Variants in PIF1 observed in about 807,000 individuals in gnomAD.
The protein encoded by PIF1 is PIF1 5'-to-3' DNA helicase.
PIF1 carries 67 observed loss-of-function variants against 62.3 expected under a neutral mutation model. The ratio of observed to expected loss-of-function variants is 1.08; its 90% confidence interval spans 0.88 to 1.32. PIF1 has a LOEUF of 1.32. Among genes scored for constraint, PIF1 ranks in the 40% most tolerant of loss-of-function variants. The pLI is 0.00. For missense variants in PIF1, 886 were observed against 866.1 expected, an observed-to-expected ratio of 1.02 and a Z score of -0.29; for synonymous variants, 364 against 379.5, an observed-to-expected ratio of 0.96 and a Z score of 0.47.
At chr15:64,821,586 T>C (rs2084290016) in intron 4 of PIF1, 66 bp from the exon 5 acceptor site, 1 of 980,914 alleles carries the variant, frequency 1.0e-6, no homozygotes, top group African/African-American at 1.6e-5. Flanking sequence ...TTTTTTTTTT[T>C]TTTGAGAGAA....
chr15:64,818,064 C>T lies in PIF1; in HGVS notation c.1556G>A (p.Gly519Glu). 1 of 1,613,970 alleles carries T rather than the reference C, an allele frequency of 6.2e-7. No homozygotes were observed. Among genetic ancestry groups the T allele is most frequent in the Non-Finnish European group, 8.5e-7 (1 of 1,179,956 alleles). The change falls in exon 11 of 13, where the codon GGA (glycine) becomes GAA (glutamate). Residue 519 changes from glycine to glutamate, a missense_variant. Physicochemically the swap from Gly to Glu is moderately conservative, Grantham distance 98 (BLOSUM62 -2). Coordinates refer to ENST00000559239, the MANE Select transcript of PIF1 (RefSeq NM_001286496.2). ...GTCAGCGTGGATGACCTCAGTGACT[C>T]CACACAGGAACCGCACCTGGGGTAG... ...RGLPQVRFLC[G>E]VTEVIHADRW...
chr15:64,819,797 G>T (rs781342055), intron 8 of PIF1, 50 bp downstream of exon 8: 5 of 1,605,224 alleles, frequency 3.1e-6, no homozygotes, highest in Non-Finnish European at 4.2e-6. Flanking sequence ...GGCTACATCT[G>T]CTTATAACTC....
chr15:64,820,314 T>G (rs2084267861), intron 7 of PIF1, among the ~76,000 whole-genome samples: 2 of 152,196 alleles, frequency 1.3e-5, no homozygotes. Context: ...GGCTGGAGAT[T>G]TGCAGGACCC....
intron 8 of PIF1, 79 bp from the exon 9 acceptor site, chr15:64,819,302 T>G (rs1381485027): frequency 8.4e-6 from 8 of 956,254 alleles, no homozygotes; most frequent in Non-Finnish European, 1.3e-5. Flanking sequence ...TTTTTTTAAA[T>G]TTTAATTTAA....
intron 11 of PIF1, among the ~76,000 whole-genome samples, chr15:64,817,137 C>T (rs1433510029): frequency 6.6e-6 from 1 of 151,898 alleles, no homozygotes; most frequent in Non-Finnish European, 1.5e-5. Flanking sequence ...TGGTTGTATA[C>T]AATTTATACA....
intron 4 of PIF1, 43 bp from the exon 5 acceptor site, chr15:64,821,563 C>T: frequency 1.5e-6 from 2 of 1,333,204 alleles, no homozygotes; most frequent in East Asian, 2.7e-5. Flanking sequence ...CCCAAAGCCT[C>T]TCTTTTTTTT....
At chr15:64,824,828 AC>A (rs1457423570) in intron 1 of PIF1, among the ~76,000 whole-genome samples, 85 of 146,858 alleles carry the variant, frequency 5.8e-4, no homozygotes, top group Admixed American at 1.3e-3. Context: ...AAAAAAAAAT[AC>A]ATACATATAA....
Position 64,821,523 on chromosome 15 carries a change from G to A in PIF1, c.818-3C>T, listed in dbSNP as rs752307797. The A allele has an allele frequency of 3.1e-6, 5 of 1,591,394 alleles. No individual in the cohort carries two copies. The highest frequency in any genetic ancestry group is 4.3e-6 in the Non-Finnish European group (5 of 1,169,056). ...AGGAGCCTGGCCTGAGCCGATGCCTGTGAGTGACACTATTCAGCCTGGGCT... is the reference window on the plus strand; with the variant it reads ...AGGAGCCTGGCCTGAGCCGATGCCTATGAGTGACACTATTCAGCCTGGGCT... On this transcript the variant is annotated splice_region_variant and splice_polypyrimidine_tract_variant and intron_variant, in intron 4 of 12. Coordinates refer to ENST00000559239, the MANE Select transcript of PIF1 (RefSeq NM_001286496.2).
chr15:64,818,202 C>G, intron 10 of PIF1, 55 bp downstream of exon 10: 1 of 1,610,554 alleles, frequency 6.2e-7, no homozygotes, highest in Non-Finnish European at 8.5e-7. Context: ...CCACCATTCC[C>G]GGGGCCATGC....
At chr15:64,823,685 C>T in intron 2 of PIF1, 93 bp downstream of exon 2, 1 of 970,348 alleles carries the variant, frequency 1.0e-6, no homozygotes, top group Non-Finnish European at 1.4e-6. Context: ...AATACCCACA[C>T]CGGCTTCCCC....
chr15:64,818,953 G>T, intron 9 of PIF1, 164 bp downstream of exon 9: 1 of 498,590 alleles, frequency 2.0e-6, no homozygotes, highest in Non-Finnish European at 3.5e-6. Context: ...ACAGTAGAAA[G>T]CTTAAGATGG....
In PIF1 at chr15:64,815,997, C is replaced by CAG; in HGVS notation, c.*299_*300dup. On this transcript the variant is annotated 3_prime_UTR_variant, in exon 13 of 13. Transcript: ENST00000559239. ...TCTGCAGCTCTGTGTCCAGCCCTTG[C>CAG]AGAGAGCTTTGTCCTCTGACATCAG... The CAG allele has an allele frequency of 6.6e-7, 1 of 1,507,026 alleles. No individual in the cohort carries two copies. The highest frequency in any genetic ancestry group is 2.2e-5 in the Admixed American group (1 of 44,800). 93.4% of individuals were successfully genotyped at this position (1,507,026 alleles called of 1,614,324 possible).
Position 64,816,034 on chromosome 15 carries a change from G to A in PIF1, c.*264C>T. Reference sequence around the variant, plus strand: ...TCCTCTGACATCAGCTACCACACAGGCTCATTCTCAACTGGCACAGAAAGG... The same window carrying A: ...TCCTCTGACATCAGCTACCACACAGACTCATTCTCAACTGGCACAGAAAGG... On this transcript the variant is annotated 3_prime_UTR_variant, in exon 13 of 13. Transcript: ENST00000559239. The A allele has an allele frequency of 6.8e-7, 1 of 1,470,950 alleles. No individual in the cohort carries two copies. Among genetic ancestry groups the A allele is most frequent in the Non-Finnish European group, 9.0e-7 (1 of 1,113,432 alleles). 91.1% of individuals were successfully genotyped at this position (1,470,950 alleles called of 1,614,324 possible). A position where few individuals can be genotyped will look rare whatever the true frequency, so the allele number is the denominator to read the frequency against.
Position 64,822,555 on chromosome 15 carries a change from G to A in PIF1, c.614C>T (p.Pro205Leu), listed in dbSNP as rs1287853988. ...AGCAGCCTGTTCCTCAGAAAGCTGT[G>A]GCTTGGTGGAGGGCAAGCTCAGCCT... ...VKRLSLPSTK[P>L]QLSEEQAAVL... The change falls in exon 3 of 13, where the codon CCA becomes CTA. Residue 205 changes from proline to leucine, a missense_variant. Physicochemically the swap from Pro to Leu is moderately conservative, Grantham distance 98. Transcript: ENST00000559239. 1 of 1,614,094 alleles carries A rather than the reference G, an allele frequency of 6.2e-7. No homozygotes were observed. Among genetic ancestry groups the A allele is most frequent in the South Asian group, 1.1e-5 (1 of 91,074 alleles).
chr15:64,818,866 G>T, intron 9 of PIF1: 1 of 414,230 alleles, frequency 2.4e-6, no homozygotes, highest in African/African-American at 2.1e-5. Context: ...GGGATGAGGG[G>T]ACAGAGCTTC....
intron 9 of PIF1, chr15:64,818,657 G>T: frequency 2.6e-6 from 1 of 379,332 alleles, no homozygotes. Context: ...TACATCTGTG[G>T]ACCACAGATC....
upstream of PIF1, among the ~76,000 whole-genome samples, chr15:64,826,631 T>C (rs1172913198): frequency 8.6e-5 from 1 of 11,602 alleles, no homozygotes. Flanking sequence ...AATTTATATA[T>C]ATATATATAT....
In PIF1 at chr15:64,821,276, A is replaced by G. The variant is rs374957465; in HGVS notation, c.977T>C (p.Val326Ala). The change falls in exon 6 of 13, where the codon GTC becomes GCC. Residue 326 changes from valine to alanine, a missense_variant. Coordinates refer to ENST00000559239, the MANE Select transcript of PIF1 (RefSeq NM_001286496.2). ...TCCGAATGGCTTGTTCTGCTGCCGG[A>G]CAGCTCTGGAGAGGAGCGTGGGGTG... Reference protein sequence around the residue: ...FDKLEAVARAVRQQNKPFGGI... With the variant: ...FDKLEAVARAARQQNKPFGGI... 39 of 1,614,078 alleles carry G rather than the reference A, an allele frequency of 2.4e-5. No individual in the cohort carries two copies. The Middle Eastern group carries it at 1.3e-3, about 54-fold the overall frequency.
chr15:64,821,156 G>A lies in PIF1; in HGVS notation c.1086+11C>T. ...CCCCCAAGGAGAGCAGAGCTAGGAGGTGAGTAATACCTGGAAGCAGAACCG... is the reference window on the plus strand; with the variant it reads ...CCCCCAAGGAGAGCAGAGCTAGGAGATGAGTAATACCTGGAAGCAGAACCG... On this transcript the variant is annotated intron_variant, in intron 6 of 12. Coordinates refer to ENST00000559239, the MANE Select transcript of PIF1 (RefSeq NM_001286496.2). The A allele has an allele frequency of 1.1e-5, 18 of 1,613,616 alleles. No homozygotes were observed. The highest frequency in any genetic ancestry group is 1.5e-5 in the Non-Finnish European group (18 of 1,179,900).
Sources: allele counts gnomAD v4.1 joint callset (sites outside exome capture counted in the v4.1 genomes callset), GRCh38; gene constraint gnomAD v4.1.1; transcripts MANE v1.5; gene names NCBI Gene and HGNC (gene_info 2026-07-23, HGNC 2026-07-21).